The following CLYBL variants were observed in gnomAD, a reference collection of about 807,000 sequenced individuals.
The protein encoded by CLYBL is citramalyl-CoA lyase, mitochondrial.
CLYBL carries 31 observed loss-of-function variants against 38.9 expected under a neutral mutation model. That is an observed-to-expected ratio of 0.80 (90% confidence interval 0.60 to 1.08). The LOEUF is 1.08. CLYBL is among the 50% of genes least tolerant of loss of function. CLYBL has a pLI of 0.00. For synonymous variants in CLYBL, 171 were observed against 158.6 expected (o/e 1.08, Z -0.59); for missense variants, 434 against 411.6 (o/e 1.05, Z -0.47).
Position 99,630,944 on chromosome 13 carries a change from A to G in CLYBL, c.62+24187A>G, listed in dbSNP as rs984650172. Among the ~76,000 whole-genome samples, 6 of 152,090 alleles carry G rather than the reference A, an allele frequency of 3.9e-5. No homozygotes were observed. In the East Asian group the frequency reaches 7.7e-4, roughly 20 times the overall value. On this transcript the variant is annotated intron_variant, in intron 1 of 8. Coordinates refer to ENST00000339105, the MANE Select transcript of CLYBL (RefSeq NM_206808.5). Reference sequence around the variant, plus strand: ...GGAGCCAGACCCCTGTTTCTGAAGCATGTTTGCTGAACCACTACACTTTAG... The same window carrying G: ...GGAGCCAGACCCCTGTTTCTGAAGCGTGTTTGCTGAACCACTACACTTTAG...
intron 1 of CLYBL, among the ~76,000 whole-genome samples, chr13:99,731,692 C>G (rs1021875205): frequency 3.9e-5 from 6 of 152,122 alleles, no homozygotes. Flanking sequence ...ATGGCTCTCA[C>G]GGACGTGCTG....
intron 2 of CLYBL, chr13:99,783,889 G>A (rs1392162452): frequency 6.6e-6 from 1 of 152,226 alleles, no homozygotes; most frequent in African/African-American, 2.4e-5. Flanking sequence ...TAACATTATT[G>A]AGTGCTATGG....
intron 1 of CLYBL, among the ~76,000 whole-genome samples, chr13:99,744,688 C>T (rs2048819622): frequency 1.3e-5 from 2 of 152,124 alleles, no homozygotes; most frequent in Non-Finnish European, 2.9e-5. Context: ...CATTTAGGAG[C>T]TGGGACCTAG....
intron 2 of CLYBL, among the ~76,000 whole-genome samples, chr13:99,805,944 G>T (rs1300780226): frequency 6.6e-6 from 1 of 152,100 alleles, no homozygotes; most frequent in Non-Finnish European, 1.5e-5. Context: ...TATTTTAACA[G>T]ATGTATAGTA....
At chr13:99,763,603 G>A (rs2049207954) in intron 1 of CLYBL, among the ~76,000 whole-genome samples, 3 of 133,152 alleles carry the variant, frequency 2.3e-5, no homozygotes, top group Admixed American at 1.7e-4. Flanking sequence ...TGCCCAGGCT[G>A]TAGTGCAGTG....
chr13:99,625,416 T>A (rs2046855810), intron 1 of CLYBL, among the ~76,000 whole-genome samples: 1 of 152,246 alleles, frequency 6.6e-6, no homozygotes, highest in Admixed American at 6.5e-5. Flanking sequence ...GGAAGTGATT[T>A]ACAAAGGTGG....
In CLYBL at chr13:99,771,184, A is replaced by G. The variant is rs145894333; in HGVS notation, c.63-1640A>G. Among the ~76,000 whole-genome samples the G allele has an allele frequency of 1.8e-3, 278 of 152,118 alleles. 3 individuals carry two copies. The highest frequency in any genetic ancestry group is 6.6e-3 in the African/African-American group (272 of 41,484). The stretch of plus-strand genomic sequence containing the variant: ...CCTGAGTAGCTGTGACTACAGGCAT[A>G]TGCACTATGCCTGGCTAATTTTTGC... On this transcript the variant is annotated intron_variant, in intron 1 of 8. Coordinates refer to ENST00000339105, the MANE Select transcript of CLYBL (RefSeq NM_206808.5).
At position 99,909,239 on chromosome 13, in the gene CLYBL, G is replaced by A. The variant is rs144098508; in HGVS notation, c.*1345G>A. On this transcript the variant is annotated 3_prime_UTR_variant and NMD_transcript_variant, in exon 10 of 10. Coordinates refer to the CLYBL transcript ENST00000689673. ...CGAAGACTCTGTTATTAGACTGCTC[G>A]AATACACAAAGCTGTGTTACCTTGG... is the stretch of plus-strand genomic sequence containing the variant. Among the ~76,000 whole-genome samples the A allele has an allele frequency of 4.8e-3, 734 of 152,288 alleles. 6 individuals are homozygous for A. Among genetic ancestry groups the A allele is most frequent in the African/African-American group, 0.017 (699 of 41,554 alleles).
At chr13:99,812,218 C>G (rs1460451605) in intron 2 of CLYBL, among the ~76,000 whole-genome samples, 1 of 152,078 alleles carries the variant, frequency 6.6e-6, no homozygotes, top group East Asian at 1.9e-4. Flanking sequence ...CTTCTTAAGT[C>G]CAAAACACAT....
intron 1 of CLYBL, among the ~76,000 whole-genome samples, chr13:99,644,101 A>G (rs946875188): frequency 7.1e-6 from 1 of 141,742 alleles, no homozygotes; most frequent in African/African-American, 2.6e-5. Flanking sequence ...TTGGTTTTTT[A>G]TATGTGGTGT....
chr13:99,770,613 G>C (rs866544474), intron 1 of CLYBL, among the ~76,000 whole-genome samples: 2 of 151,852 alleles, frequency 1.3e-5, no homozygotes, highest in African/African-American at 4.8e-5. Context: ...CACCGCGCCC[G>C]GTCTGGTCTC....
At chr13:99,814,729 G>GAAAA (rs36062611) in intron 2 of CLYBL, among the ~76,000 whole-genome samples, 1 of 123,840 alleles carries the variant, frequency 8.1e-6, no homozygotes. Flanking sequence ...CCCTGTCTCA[G>GAAAA]AAAAAAAAAA....
chr13:99,782,000 T>C (rs1566324892), intron 2 of CLYBL, among the ~76,000 whole-genome samples: 1 of 152,228 alleles, frequency 6.6e-6, no homozygotes, highest in African/African-American at 2.4e-5. Context: ...ATTTTAGTTA[T>C]CTCTCTTTAA....
intron 1 of CLYBL, among the ~76,000 whole-genome samples, chr13:99,678,293 C>G (rs1215074045): frequency 6.6e-6 from 1 of 152,186 alleles, no homozygotes; most frequent in South Asian, 2.1e-4. Context: ...GCTGGAGGCT[C>G]TCATGTATCA....
intron 1 of CLYBL, among the ~76,000 whole-genome samples, chr13:99,651,931 T>TG (rs1013863456): frequency 7.9e-5 from 6 of 76,202 alleles, no homozygotes; most frequent in East Asian, 9.4e-4. Context: ...GACTCCATCT[T>TG]GGGGGGAAAA....
At chr13:99,720,855 G>A (rs1459964967) in intron 1 of CLYBL, among the ~76,000 whole-genome samples, 2 of 152,066 alleles carry the variant, frequency 1.3e-5, no homozygotes, top group Admixed American at 6.6e-5. Context: ...TGTTCAATCT[G>A]AGAATGTAAA....
chr13:99,760,319 A>G (rs1175150255), intron 1 of CLYBL, among the ~76,000 whole-genome samples: 2 of 152,138 alleles, frequency 1.3e-5, no homozygotes, highest in African/African-American at 4.8e-5. Context: ...CTTCATTATC[A>G]CTGCTCTTAT....
intron 2 of CLYBL, among the ~76,000 whole-genome samples, chr13:99,789,895 A>C (rs191026084): frequency 1.3e-5 from 2 of 152,182 alleles, no homozygotes; most frequent in Non-Finnish European, 2.9e-5. Context: ...TATTGGGTGC[A>C]TATATATTTA....
At chr13:99,819,487 TG>T (rs2050543454) in intron 2 of CLYBL, among the ~76,000 whole-genome samples, 1 of 129,064 alleles carries the variant, frequency 7.7e-6, no homozygotes, top group Non-Finnish European at 1.6e-5. Context: ...CAGGGTTGTC[TG>T]GGGGACAGAA....
Sources: gnomAD v4.1 joint callset for allele counts (sites outside exome capture counted in the v4.1 genomes callset) on GRCh38, gnomAD v4.1.1 for gene constraint, MANE v1.5 for transcripts, NCBI Gene and HGNC (gene_info 2026-07-23, HGNC 2026-07-21) for gene names.